The following CRB1 variants were observed in gnomAD, a reference collection of about 807,000 sequenced individuals.
The protein encoded by CRB1 is crumbs cell polarity complex component 1.
In CRB1, 83 loss-of-function variants were observed where a neutral mutation model predicts 120.0. The ratio of observed to expected loss-of-function variants is 0.69; its 90% CI spans 0.58 to 0.83. CRB1 has a LOEUF of 0.83. Among genes scored for constraint, CRB1 ranks in the 40% least tolerant of loss-of-function variants. The pLI is 0.00. For synonymous variants in CRB1, 625 were observed against 612.5 expected (o/e 1.02, Z -0.30); for missense variants, 1,699 against 1,687.6 (o/e 1.01, Z -0.12).
Position 197,477,996 on chromosome 1 carries a change from C to A in CRB1, c.*117C>A. ...TGCAACTGGGATTACACTGGAACTACAGGAATGATTCCTTTGACCACCTTA... is the reference window on the plus strand; with the variant it reads ...TGCAACTGGGATTACACTGGAACTAAAGGAATGATTCCTTTGACCACCTTA... On this transcript the variant is annotated 3_prime_UTR_variant, in exon 12 of 12. Coordinates refer to ENST00000367400, the MANE Select transcript of CRB1 (RefSeq NM_201253.3). The A allele has an allele frequency of 1.9e-6, 2 of 1,037,904 alleles. No homozygotes were observed. Among genetic ancestry groups the A allele is most frequent in the Non-Finnish European group, 3.0e-6 (2 of 667,976 alleles). The allele number at this position is 1,037,904 out of a possible 1,614,324, so 64.3% of individuals were successfully genotyped here.
At chr1:197,377,393 C>T (rs1184838862) in intron 5 of CRB1, among the ~76,000 whole-genome samples, 1 of 152,166 alleles carries the variant, frequency 6.6e-6, no homozygotes, top group African/African-American at 2.4e-5. Flanking sequence ...TCAGTTGAAG[C>T]TTGAGAGAAA....
At chr1:197,455,041 G>T (rs1666208265) in intron 11 of CRB1, among the ~76,000 whole-genome samples, 1 of 152,104 alleles carries the variant, frequency 6.6e-6, no homozygotes, top group South Asian at 2.1e-4. Context: ...GTTATGACAA[G>T]GTTGGCCATA....
At chr1:197,357,764 A>C (rs2125356191) in intron 5 of CRB1, 1 of 152,612 alleles carries the variant, frequency 6.6e-6, no homozygotes, top group Non-Finnish European at 1.5e-5. Flanking sequence ...GTAAATGAGA[A>C]ATAAGAAAAG....
intron 2 of CRB1, among the ~76,000 whole-genome samples, chr1:197,339,176 G>C (rs533159163): frequency 6.6e-6 from 1 of 152,170 alleles, no homozygotes. Context: ...AATTATCCAC[G>C]TTTAATCTCT....
intron 5 of CRB1, among the ~76,000 whole-genome samples, chr1:197,404,747 T>G (rs1016019619): frequency 2.0e-5 from 3 of 152,188 alleles, no homozygotes; most frequent in African/African-American, 7.2e-5. Context: ...ATTATTGTTG[T>G]TTACATGTTT....
upstream of CRB1, among the ~76,000 whole-genome samples, chr1:197,265,526 C>T (rs1299205980): frequency 1.3e-5 from 2 of 152,026 alleles, no homozygotes; most frequent in Non-Finnish European, 2.9e-5. Context: ...GTTGAGCTCA[C>T]TTACATATTT....
chr1:197,392,792 A>C (rs1158038228), intron 5 of CRB1, among the ~76,000 whole-genome samples: 8 of 152,160 alleles, frequency 5.3e-5, no homozygotes, highest in African/African-American at 1.9e-4. Flanking sequence ...TCTTCAGTGG[A>C]CTAGGGAAGC....
intron 1 of CRB1, among the ~76,000 whole-genome samples, chr1:197,281,176 A>T (rs1485714347): frequency 1.3e-5 from 2 of 151,930 alleles, no homozygotes; most frequent in African/African-American, 4.8e-5. Flanking sequence ...GATGTGAGGG[A>T]ACAGGCAAGA....
chr1:197,447,245 T>A lies in CRB1; in HGVS notation c.4005+4953T>A, dbSNP rs896471537. 7.2e-5 allele frequency among the ~76,000 whole-genome samples: 11 copies of A among 152,320 alleles called. No homozygotes were observed. The East Asian group carries it at 1.9e-3, about 27-fold the overall frequency. ...CAGTGATCAAGTTCACTGAGGCTGA[T>A]GGCAGAGGTAGCCTTCGATTCCTGA... On this transcript the variant is annotated intron_variant, in intron 11 of 11. Transcript: ENST00000367400.
At chr1:197,211,351 G>T in the CRB1 span, among the ~76,000 whole-genome samples, 8 of 152,166 alleles carry the variant, frequency 5.3e-5, no homozygotes, top group African/African-American at 1.9e-4. Flanking sequence ...TGCTTCCTTA[G>T]TCTGTGCCAC....
chr1:197,419,549 G>C (rs1185134486), intron 5 of CRB1, among the ~76,000 whole-genome samples: 1 of 152,000 alleles, frequency 6.6e-6, no homozygotes, highest in East Asian at 1.9e-4. Context: ...TTTTAGTAAA[G>C]ATAGGATTTC....
intron 1 of CRB1, among the ~76,000 whole-genome samples, chr1:197,308,418 C>G (rs908294675): frequency 1.3e-5 from 2 of 152,012 alleles, no homozygotes; most frequent in Non-Finnish European, 2.9e-5. Context: ...TGTATCTAAA[C>G]TAAAAGTTAA....
intron 11 of CRB1, among the ~76,000 whole-genome samples, chr1:197,476,725 G>A (rs954854421): frequency 6.6e-5 from 10 of 152,112 alleles, no homozygotes. Context: ...TAATAGATTG[G>A]TTTGGTAACG....
At chr1:197,372,248 T>A (rs940946097) in intron 5 of CRB1, among the ~76,000 whole-genome samples, 1 of 152,124 alleles carries the variant, frequency 6.6e-6, no homozygotes, top group Non-Finnish European at 1.5e-5. Flanking sequence ...GGGGCACCAA[T>A]CATCATCTTA....
chr1:197,268,024 G>C (rs368180930), upstream of CRB1, among the ~76,000 whole-genome samples: 2 of 152,280 alleles, frequency 1.3e-5, no homozygotes. Flanking sequence ...TCATAATTGT[G>C]TGGCAAGGCA....
At chr1:197,203,537 C>G in the CRB1 span, among the ~76,000 whole-genome samples, 1 of 152,122 alleles carries the variant, frequency 6.6e-6, no homozygotes, top group Non-Finnish European at 1.5e-5. Context: ...GTTGGCCAGG[C>G]TGGTCTTGAA....
chr1:197,392,240 CAA>C (rs1662543449), intron 5 of CRB1, among the ~76,000 whole-genome samples: 1 of 151,704 alleles, frequency 6.6e-6, no homozygotes, highest in South Asian at 2.1e-4. Context: ...GGCAAAAAAA[CAA>C]AGATATACAT....
chr1:197,294,604 C>T (rs1224332723), intron 1 of CRB1, among the ~76,000 whole-genome samples: 1 of 152,086 alleles, frequency 6.6e-6, no homozygotes, highest in Non-Finnish European at 1.5e-5. Context: ...GACACATGCA[C>T]ACATACGTTT....
In CRB1 at chr1:197,478,233, A is replaced by G. The variant is rs1667286263; in HGVS notation, c.*354A>G. On this transcript the variant is annotated 3_prime_UTR_variant, in exon 12 of 12. Coordinates refer to ENST00000367400, the MANE Select transcript of CRB1 (RefSeq NM_201253.3). ...TTTAGTTTTCATTTTAGGTTTCTGT[A>G]CTTTCTGTAGTTTCTGTGTAAACTG... is the stretch of plus-strand genomic sequence containing the variant. 2 of 322,850 alleles carry G rather than the reference A, an allele frequency of 6.2e-6. No individual in the cohort carries two copies. The highest frequency in any genetic ancestry group is 2.8e-5 in the South Asian group (1 of 35,470). 20.0% of individuals were successfully genotyped at this position (322,850 alleles called of 1,614,324 possible).
Sources: allele counts gnomAD v4.1 joint callset (sites outside exome capture counted in the v4.1 genomes callset), GRCh38; gene constraint gnomAD v4.1.1; transcripts MANE v1.5; gene names NCBI Gene and HGNC (gene_info 2026-07-23, HGNC 2026-07-21).